The following NEIL2 variants were observed in gnomAD, a reference collection of about 807,000 sequenced individuals.
NEIL2 encodes the protein nei like DNA glycosylase 2, also known as endonuclease 8-like 2.
A neutral mutation model predicts 22.2 loss-of-function variants in NEIL2; 23 were observed. The observed-to-expected ratio is 1.04, with a 90% CI of 0.75 to 1.47. The LOEUF (loss-of-function observed/expected upper bound fraction) is 1.47. Among genes scored for constraint, NEIL2 ranks in the 40% most tolerant of loss-of-function variants. The pLI is 0.00. For synonymous variants in NEIL2, 229 were observed against 164.8 expected (o/e 1.39, Z -2.99); for missense variants, 583 against 404.7 (o/e 1.44, Z -3.78).
intron 3 of NEIL2, 68 bp downstream of exon 3, chr8:11,780,018 G>A: frequency 7.2e-7 from 1 of 1,389,968 alleles, no homozygotes; most frequent in South Asian, 1.2e-5. Flanking sequence ...TGGGGTTTGG[G>A]ACTTCAGCAG....
At chr8:11,773,009 C>G (rs573956329) in intron 2 of NEIL2, among the ~76,000 whole-genome samples, 4 of 152,016 alleles carry the variant, frequency 2.6e-5, no homozygotes, top group African/African-American at 9.7e-5. Context: ...ATAGTTGATT[C>G]CTTTGGAGAC....
At chr8:11,782,984 G>A in intron 3 of NEIL2, 1 of 619,170 alleles carries the variant, frequency 1.6e-6, no homozygotes, top group South Asian at 1.8e-5. Context: ...ATGTGGGGAT[G>A]TGTGTATGTG....
At chr8:11,778,395 C>T (rs6993013) in intron 2 of NEIL2, among the ~76,000 whole-genome samples, 5,625 of 149,254 alleles carry the variant, frequency 0.038, 253 homozygotes, top group East Asian at 0.26. Context: ...GGGATTATTT[C>T]GAAAGGTAAT....
chr8:11,783,716 G>GTA (rs1804647909), intron 4 of NEIL2, among the ~76,000 whole-genome samples: 1 of 152,208 alleles, frequency 6.6e-6, no homozygotes, highest in African/African-American at 2.4e-5. Flanking sequence ...ACCCTCCACT[G>GTA]CACAGTGCAG....
chr8:11,782,309 C>T (rs1447345003), intron 3 of NEIL2, among the ~76,000 whole-genome samples: 1 of 152,092 alleles, frequency 6.6e-6, no homozygotes, highest in Non-Finnish European at 1.5e-5. Context: ...CCTGTAATCC[C>T]AGCTACTCGG....
intron 2 of NEIL2, among the ~76,000 whole-genome samples, chr8:11,778,430 G>C (rs1804096273): frequency 6.6e-6 from 1 of 151,856 alleles, no homozygotes; most frequent in African/African-American, 2.4e-5. Flanking sequence ...AGGACTTCAA[G>C]ATTAATTTGT....
intron 4 of NEIL2, among the ~76,000 whole-genome samples, chr8:11,783,795 A>G (rs895488921): frequency 2.0e-5 from 3 of 152,210 alleles, no homozygotes; most frequent in African/African-American, 7.2e-5. Context: ...CTAACAGAGC[A>G]GTGAGCGCGT....
Position 11,779,904 on chromosome 8 carries a change from G to T in NEIL2, c.445G>T (p.Ala149Ser). The change falls in exon 3 of 5, where the codon GCC becomes TCC. Residue 149 changes from alanine (A) to serine (S), a missense_variant. By Grantham distance (99) the Ala-to-Ser change is moderately conservative (BLOSUM62 1). Transcript: ENST00000284503. ...GSVWVNDFSR[A>S]KKANKRGDWR... is the part of the protein sequence containing the mutation. ...CGTTTGGGTGAACGATTTCTCCAGAGCCAAGAAAGCCAACAAGAGGGGGGA... is the reference window on the plus strand; with the variant it reads ...CGTTTGGGTGAACGATTTCTCCAGATCCAAGAAAGCCAACAAGAGGGGGGA... 1 of 1,614,182 alleles carries T rather than the reference G, an allele frequency of 6.2e-7. No individual in the cohort carries two copies. The highest frequency in any genetic ancestry group is 1.1e-5 in the South Asian group (1 of 91,084).
chr8:11,771,362 C>T, intron 1 of NEIL2, 84 bp from the exon 2 acceptor site: 1 of 1,560,136 alleles, frequency 6.4e-7, no homozygotes, highest in East Asian at 2.2e-5. Flanking sequence ...AAAATGGCGG[C>T]ATGGAGGATG....
rs1165557949 is a variant in NEIL2 at position 11,770,204 on chromosome 8, G to T, written c.-134G>T. ...TGCAGAGGCGGCTTGCTTCCCACCT[G>T]TCCATCTCCATAAAAATCCCTAAAC... On this transcript the variant is annotated 5_prime_UTR_variant, in exon 1 of 5. Transcript: ENST00000284503. The T allele has an allele frequency of 6.6e-6, 1 of 152,154 alleles. No individual in the cohort carries two copies. Among genetic ancestry groups the T allele is most frequent in the Non-Finnish European group, 1.5e-5 (1 of 68,030 alleles). The allele number at this position is 152,154 out of a possible 1,614,324, so 9.4% of individuals were successfully genotyped here. A position where few individuals can be genotyped will look rare whatever the true frequency, so the allele number is the denominator to read the frequency against.
chr8:11,772,347 A>G (rs1185912799), intron 2 of NEIL2, among the ~76,000 whole-genome samples: 1 of 152,182 alleles, frequency 6.6e-6, no homozygotes, highest in Non-Finnish European at 1.5e-5. Context: ...CTTCTGATCG[A>G]TGAAACTGCC....
chr8:11,773,420 T>C (rs1182123801), intron 2 of NEIL2, among the ~76,000 whole-genome samples: 3 of 152,140 alleles, frequency 2.0e-5, no homozygotes, highest in African/African-American at 7.2e-5. Flanking sequence ...TCCCTGACCC[T>C]AGGAACTTAG....
chr8:11,772,193 A>T (rs540435966), intron 2 of NEIL2, among the ~76,000 whole-genome samples: 1 of 147,336 alleles, frequency 6.8e-6, no homozygotes, highest in African/African-American at 2.6e-5. Context: ...ACAGAGTGAG[A>T]CTCCGTCTCA....
intron 1 of NEIL2, among the ~76,000 whole-genome samples, chr8:11,770,675 G>C (rs1488903545): frequency 6.6e-6 from 1 of 152,190 alleles, no homozygotes; most frequent in Non-Finnish European, 1.5e-5. Context: ...GCTGCCCCGG[G>C]TGAGGCTGGG....
chr8:11,771,942 C>G (rs2130431055), intron 2 of NEIL2, among the ~76,000 whole-genome samples: 1 of 152,248 alleles, frequency 6.6e-6, no homozygotes, highest in South Asian at 2.1e-4. Flanking sequence ...CGGTGGCTCG[C>G]ACCTGTAATC....
intron 3 of NEIL2, chr8:11,782,466 C>T (rs996429968): frequency 6.5e-6 from 1 of 154,334 alleles, no homozygotes; most frequent in African/African-American, 2.4e-5. Context: ...TTTAATATGC[C>T]TAGCCTACCA....
chr8:11,784,158 C>T (rs1423872180), intron 4 of NEIL2, among the ~76,000 whole-genome samples: 1 of 152,234 alleles, frequency 6.6e-6, no homozygotes, highest in Admixed American at 6.5e-5. Flanking sequence ...CTGCTCACCA[C>T]CCTTCACGAG....
intron 2 of NEIL2, among the ~76,000 whole-genome samples, chr8:11,779,259 C>G (rs779108033): frequency 1.2e-4 from 19 of 152,282 alleles, no homozygotes; most frequent in Non-Finnish European, 2.4e-4. Context: ...AAATGTATTA[C>G]GAATGGAATG....
At chr8:11,776,571 T>C (rs1254682818) in intron 2 of NEIL2, among the ~76,000 whole-genome samples, 2 of 152,238 alleles carry the variant, frequency 1.3e-5, no homozygotes, top group African/African-American at 2.4e-5. Flanking sequence ...AGGAGTGGAA[T>C]TGCTGGACCA....
Sources: allele counts gnomAD v4.1 joint callset (sites outside exome capture counted in the v4.1 genomes callset), GRCh38; gene constraint gnomAD v4.1.1; transcripts MANE v1.5; gene names NCBI Gene and HGNC (gene_info 2026-07-23, HGNC 2026-07-21).